The following PUDP variants were observed in gnomAD, a reference collection of about 807,000 sequenced individuals.
The protein encoded by PUDP is pseudouridine 5'-phosphatase, also known as pseudouridine-5'-phosphatase.
In PUDP, 8 loss-of-function variants were observed where a neutral mutation model predicts 9.4. The ratio of observed to expected loss-of-function variants is 0.85; its 90% CI spans 0.50 to 1.53. PUDP has a LOEUF of 1.53. Ranked by LOEUF, PUDP falls within the 40% of genes most tolerant of loss-of-function variation. The pLI is 0.00. For synonymous variants in PUDP, 99 were observed against 80.7 expected (o/e 1.23, Z -1.22); for missense variants, 188 against 189.7 (o/e 0.99, Z 0.05).
At chrX:6,936,052 G>A (rs1309208954) in intron 3 of PUDP, among the ~76,000 whole-genome samples, 2 of 110,748 alleles carry the variant, frequency 1.8e-5, no homozygotes, top group East Asian at 5.7e-4. Flanking sequence ...TTCTACCAGA[G>A]GTACAAGGAG....
Position 6,842,566 on chromosome X carries a change from A to T in PUDP, c.*247+134567T>A, listed in dbSNP as rs780839912. Among the ~76,000 whole-genome samples the T allele has an allele frequency of 2.5e-4, 28 of 112,732 alleles. 1 individual carries two copies. In the South Asian group the frequency reaches 9.9e-3, roughly 40 times the overall value. On this transcript the variant is annotated intron_variant and NMD_transcript_variant, in intron 3 of 3. Transcript: ENST00000655425. ...CTAAAATAATGCAAATGTTAAATGTATGTATATTGACAATTACACAGTCCT... is the reference window on the plus strand; with the variant it reads ...CTAAAATAATGCAAATGTTAAATGTTTGTATATTGACAATTACACAGTCCT...
At chrX:6,750,307 A>G (rs1180987203) in intron 3 of PUDP, among the ~76,000 whole-genome samples, 2 of 111,993 alleles carry the variant, frequency 1.8e-5, no homozygotes, top group African/African-American at 6.5e-5. Flanking sequence ...ATTTTCATTC[A>G]GCACCTAGTA....
At chrX:6,914,793 A>G (rs979231650) in intron 3 of PUDP, among the ~76,000 whole-genome samples, 12 of 112,749 alleles carry the variant, frequency 1.1e-4, no homozygotes, top group Non-Finnish European at 1.9e-4. Context: ...AACAGTGATA[A>G]GGTACTAAAT....
chrX:7,084,750 C>T (rs1166014810), intron 2 of PUDP: 1 of 111,464 alleles, frequency 9.0e-6, no homozygotes. Flanking sequence ...TAAGTGTTCT[C>T]CCCACAAAAC....
upstream of PUDP, among the ~76,000 whole-genome samples, chrX:6,725,263 A>G (rs115231819): frequency 0.02 from 2,193 of 112,087 alleles, 57 homozygotes; most frequent in African/African-American, 0.067. Context: ...ATATTAGTGG[A>G]TACAAGTGCA....
intron 3 of PUDP, among the ~76,000 whole-genome samples, chrX:6,741,618 TA>T (rs1420484120): frequency 9.1e-6 from 1 of 110,153 alleles, no homozygotes; most frequent in Non-Finnish European, 1.9e-5. Flanking sequence ...TATACATAGG[TA>T]GGTAGGTAGA....
At chrX:6,769,462 C>G (rs1476356827) in intron 3 of PUDP, among the ~76,000 whole-genome samples, 1 of 111,703 alleles carries the variant, frequency 9.0e-6, no homozygotes, top group Non-Finnish European at 1.9e-5. Flanking sequence ...GGGAGGAAAC[C>G]CATGACTGTT....
At chrX:7,082,400 A>G (rs1288389694) in intron 2 of PUDP, among the ~76,000 whole-genome samples, 3 of 112,455 alleles carry the variant, frequency 2.7e-5, no homozygotes, top group Non-Finnish European at 3.8e-5. Context: ...GGCCATCAGA[A>G]CCCTACAAGC....
chrX:6,995,108 C>CT (rs955586196), intron 1 of PUDP, among the ~76,000 whole-genome samples: 7 of 107,035 alleles, frequency 6.5e-5, no homozygotes, highest in Middle Eastern at 4.9e-3. Flanking sequence ...GCATGGCTTT[C>CT]TTTTTTTTTT....
At chrX:6,954,495 C>CTCCGTGTCAG (rs1413109180) in intron 3 of PUDP, among the ~76,000 whole-genome samples, 1 of 111,256 alleles carries the variant, frequency 9.0e-6, no homozygotes, top group Non-Finnish European at 1.9e-5. Context: ...ATATAGATGG[C>CTCCGTGTCAG]TCCGTGTCAG....
intron 3 of PUDP, among the ~76,000 whole-genome samples, chrX:7,072,830 A>C (rs1313170489): frequency 1.8e-5 from 2 of 109,232 alleles, no homozygotes; most frequent in Non-Finnish European, 3.8e-5. Context: ...AAAAAAAAAA[A>C]ACAAAACTGA....
At chrX:6,997,107 A>G (rs889799220) in intron 1 of PUDP, among the ~76,000 whole-genome samples, 4 of 112,278 alleles carry the variant, frequency 3.6e-5, no homozygotes, top group Non-Finnish European at 7.5e-5. Context: ...AAGTTTAACA[A>G]CTTGTTTTGA....
intron 3 of PUDP, among the ~76,000 whole-genome samples, chrX:7,068,429 T>C (rs1044401744): frequency 4.5e-5 from 5 of 111,812 alleles, no homozygotes; most frequent in African/African-American, 1.6e-4. Context: ...ATATCGTGCA[T>C]TGATAGCCTC....
chrX:7,113,827 T>C (rs753532825), intron 1 of PUDP, among the ~76,000 whole-genome samples: 11 of 112,266 alleles, frequency 9.8e-5, no homozygotes, highest in African/African-American at 3.6e-4. Context: ...CAACTACATA[T>C]TCTTGGACTC....
At position 7,124,495 on chromosome X, in the gene PUDP, A is replaced by T. The variant is rs150227836; in HGVS notation, c.62-18657T>A. ...AGTCAAGACGTGTGGGTGGCCTCTA[A>T]TAGCTGGAAAAGGCAAGAAAACATT... On this transcript the variant is annotated intron_variant, in intron 1 of 3. Transcript: ENST00000381077. Among the ~76,000 whole-genome samples the T allele has an allele frequency of 6.9e-4, 77 of 111,348 alleles. 1 individual carries two copies. In the East Asian group the frequency reaches 9.7e-3, roughly 14 times the overall value.
chrX:7,101,958 C>T (rs1429031253), intron 2 of PUDP, among the ~76,000 whole-genome samples: 3 of 110,997 alleles, frequency 2.7e-5, no homozygotes, highest in Non-Finnish European at 5.7e-5. Context: ...CAAACTGAAT[C>T]ATGAAGACAG....
chrX:7,097,074 C>T (rs975547716), intron 2 of PUDP, among the ~76,000 whole-genome samples: 1 of 111,636 alleles, frequency 9.0e-6, no homozygotes, highest in Non-Finnish European at 1.9e-5. Context: ...GTCTGGACAC[C>T]TCATGGCCCA....
intron 3 of PUDP, among the ~76,000 whole-genome samples, chrX:6,874,977 C>T (rs144736390): frequency 0.021 from 2,323 of 112,429 alleles, 61 homozygotes; most frequent in African/African-American, 0.072. Context: ...AAATGCATTT[C>T]TTACACTTTC....
chrX:7,136,782 A>C lies in PUDP; in HGVS notation c.61+11271T>G, dbSNP rs183455279. Among the ~76,000 whole-genome samples, 221 of 101,959 alleles carry C rather than the reference A, an allele frequency of 2.2e-3. 1 individual carries two copies. Among genetic ancestry groups the C allele is most frequent in the African/African-American group, 7.3e-3 (200 of 27,454 alleles). The allele number at this position is 101,959 out of a possible 115,157, so 88.5% of individuals were successfully genotyped here. Reference sequence around the variant, plus strand: ...GTATTTTACTGGTCCCGGTCCCTAGAATCAGCCACATCTCCTTAGGGCCTG... The same window carrying C: ...GTATTTTACTGGTCCCGGTCCCTAGCATCAGCCACATCTCCTTAGGGCCTG... On this transcript the variant is annotated intron_variant, in intron 1 of 3. Coordinates refer to ENST00000381077, the MANE Select transcript of PUDP (RefSeq NM_012080.5).
Sources: allele counts gnomAD v4.1 joint callset (sites outside exome capture counted in the v4.1 genomes callset), GRCh38; gene constraint gnomAD v4.1.1; transcripts MANE v1.5; gene names NCBI Gene and HGNC (gene_info 2026-07-23, HGNC 2026-07-21).